The following CCSER1 variants were observed in gnomAD, a reference collection of about 807,000 sequenced individuals.
CCSER1 encodes serine-rich coiled-coil domain-containing protein 1.
A neutral mutation model predicts 82.0 loss-of-function variants in CCSER1; 41 were observed. The ratio of observed to expected loss-of-function variants is 0.50; its 90% confidence interval spans 0.39 to 0.65. The LOEUF (loss-of-function observed/expected upper bound fraction) is 0.65, where lower values mean the gene tolerates loss of function less well. Ranked by LOEUF, CCSER1 falls within the 30% of genes least tolerant of loss-of-function variation. CCSER1 has a pLI of 0.00. For missense variants in CCSER1, 1,119 were observed against 1,064.2 expected (o/e 1.05, Z -0.72); for synonymous variants, 414 against 383.9 (o/e 1.08, Z -0.92).
intron 1 of CCSER1, among the ~76,000 whole-genome samples, chr4:90,302,859 G>A (rs1733440166): frequency 7.0e-6 from 1 of 142,692 alleles, no homozygotes; most frequent in East Asian, 1.9e-4. Flanking sequence ...GAAAAGGAAA[G>A]AAAGATAAGA....
intron 10 of CCSER1, among the ~76,000 whole-genome samples, chr4:91,347,003 T>G (rs1047796347): frequency 6.0e-5 from 8 of 133,418 alleles, no homozygotes; most frequent in Admixed American, 2.8e-4. Flanking sequence ...AACTTATGAG[T>G]TTTTTTTTGT....
At chr4:90,407,692 C>T (rs1376303036) in intron 4 of CCSER1, among the ~76,000 whole-genome samples, 2 of 152,192 alleles carry the variant, frequency 1.3e-5, no homozygotes, top group African/African-American at 2.4e-5. Flanking sequence ...CTGCAGTCTA[C>T]AGCTCCCAGC....
At position 91,278,913 on chromosome 4, in the gene CCSER1, C is replaced by T. The variant is rs915249564; in HGVS notation, c.2217+192919C>T. Among the ~76,000 whole-genome samples the T allele has an allele frequency of 1.1e-4, 16 of 152,160 alleles. No homozygotes were observed. The East Asian group carries it at 1.4e-3, about 13-fold the overall frequency. ...GGTAGATATTATATTTTCATTCCCA[C>T]GTGTAGAACTCCCTTAAGCATTTCC... On this transcript the variant is annotated intron_variant, in intron 10 of 10. Coordinates refer to ENST00000509176, the MANE Select transcript of CCSER1 (RefSeq NM_001145065.2).
intron 6 of CCSER1, among the ~76,000 whole-genome samples, chr4:90,652,053 T>G (rs10028192): frequency 0.13 from 20,358 of 152,166 alleles, 1,771 homozygotes; most frequent in East Asian, 0.32. Flanking sequence ...CTAGCATTTA[T>G]GAAACTGGGG....
intron 10 of CCSER1, among the ~76,000 whole-genome samples, chr4:91,200,911 T>A (rs1029044283): frequency 3.3e-5 from 5 of 150,732 alleles, no homozygotes; most frequent in Admixed American, 2.0e-4. Context: ...TTTATTAATC[T>A]ATTATTGTAG....
intron 10 of CCSER1, among the ~76,000 whole-genome samples, chr4:91,490,147 G>C (rs1402968323): frequency 6.6e-6 from 1 of 152,178 alleles, no homozygotes; most frequent in African/African-American, 2.4e-5. Flanking sequence ...TGGTAGGAAA[G>C]TAAATTAGTA....
At chr4:90,457,319 T>C (rs971288132) in intron 4 of CCSER1, among the ~76,000 whole-genome samples, 1 of 152,138 alleles carries the variant, frequency 6.6e-6, no homozygotes, top group Non-Finnish European at 1.5e-5. Flanking sequence ...AACTTTTCTC[T>C]CCTCTTTTCT....
At chr4:90,467,054 T>A (rs1308605574) in intron 4 of CCSER1, among the ~76,000 whole-genome samples, 1 of 152,088 alleles carries the variant, frequency 6.6e-6, no homozygotes, top group East Asian at 1.9e-4. Context: ...CATAGATGAA[T>A]CTTATAATCA....
At chr4:90,715,030 T>G (rs1741365821) in intron 6 of CCSER1, among the ~76,000 whole-genome samples, 1 of 151,950 alleles carries the variant, frequency 6.6e-6, no homozygotes, top group Admixed American at 6.6e-5. Context: ...TACCATAACT[T>G]GATGTTAGCA....
intron 10 of CCSER1, among the ~76,000 whole-genome samples, chr4:91,527,840 C>G (rs1760840057): frequency 6.6e-6 from 1 of 152,138 alleles, no homozygotes; most frequent in South Asian, 2.1e-4. Flanking sequence ...GCTATTGATA[C>G]AGACATGTAA....
intron 1 of CCSER1, among the ~76,000 whole-genome samples, chr4:90,145,820 CA>C (rs1725696514): frequency 6.6e-6 from 1 of 151,974 alleles, no homozygotes; most frequent in African/African-American, 2.4e-5. Context: ...AAAAACAAAA[CA>C]ATTGAACAGA....
chr4:91,533,895 A>G (rs185167100), intron 10 of CCSER1, among the ~76,000 whole-genome samples: 450 of 152,142 alleles, frequency 3.0e-3, no homozygotes, highest in Middle Eastern at 6.8e-3. Flanking sequence ...TCTTAGTATA[A>G]GATATGTAGC....
chr4:90,132,265 C>T (rs1005971948), intron 1 of CCSER1, among the ~76,000 whole-genome samples: 4 of 152,102 alleles, frequency 2.6e-5, no homozygotes, highest in South Asian at 2.1e-4. Flanking sequence ...TGTATCATTT[C>T]GATAATGTAA....
chr4:90,654,228 G>T (rs896420860), intron 6 of CCSER1, among the ~76,000 whole-genome samples: 27 of 151,972 alleles, frequency 1.8e-4, no homozygotes, highest in African/African-American at 6.0e-4. Flanking sequence ...GAATTCGTTG[G>T]GATGCTTTAT....
At chr4:91,103,208 T>C (rs1221095382) in intron 10 of CCSER1, among the ~76,000 whole-genome samples, 1 of 152,084 alleles carries the variant, frequency 6.6e-6, no homozygotes, top group Non-Finnish European at 1.5e-5. Context: ...TGACATTAGG[T>C]CCATTCTCTG....
intron 3 of CCSER1, among the ~76,000 whole-genome samples, chr4:90,373,885 C>A (rs535157433): frequency 3.3e-5 from 5 of 152,190 alleles, no homozygotes; most frequent in Non-Finnish European, 7.3e-5. Flanking sequence ...GGTTCTTCTC[C>A]TGTAATGCAA....
chr4:90,812,309 C>T (rs1216942964), intron 7 of CCSER1, among the ~76,000 whole-genome samples: 1 of 152,146 alleles, frequency 6.6e-6, no homozygotes, highest in African/African-American at 2.4e-5. Context: ...TCTCCATTGG[C>T]AACAGCCTCA....
At chr4:90,167,364 T>C (rs1043701966) in intron 1 of CCSER1, among the ~76,000 whole-genome samples, 1 of 152,222 alleles carries the variant, frequency 6.6e-6, no homozygotes, top group East Asian at 1.9e-4. Context: ...GTCAATAAAG[T>C]TGTACATTTT....
At chr4:90,972,949 C>G (rs1735257355) in intron 9 of CCSER1, among the ~76,000 whole-genome samples, 1 of 151,668 alleles carries the variant, frequency 6.6e-6, no homozygotes, top group Non-Finnish European at 1.5e-5. Flanking sequence ...GTTGAGAGAA[C>G]TGGATATCCA....
Sources: gnomAD v4.1 joint callset for allele counts (sites outside exome capture counted in the v4.1 genomes callset) on GRCh38, gnomAD v4.1.1 for gene constraint, MANE v1.5 for transcripts, NCBI Gene and HGNC (gene_info 2026-07-23, HGNC 2026-07-21) for gene names.